Variants in SFPQ observed in about 807,000 individuals in gnomAD.
SFPQ encodes splicing factor proline and glutamine rich.
In SFPQ, 11 loss-of-function variants were observed where a neutral mutation model predicts 72.9. The ratio of observed to expected loss-of-function variants is 0.15; its 90% CI spans 0.09 to 0.25. The LOEUF (loss-of-function observed/expected upper bound fraction) is 0.25, where lower values mean the gene tolerates loss of function less well. SFPQ is among the 10% of genes least tolerant of loss of function. SFPQ has a pLI of 1.00. For missense variants in SFPQ, 847 were observed against 993.3 expected (o/e 0.85, Z 1.98); for synonymous variants, 506 against 367.3 (o/e 1.38, Z -4.32).
chr1:35,190,452 T>C (rs893935637), intron 4 of SFPQ, 46 bp downstream of exon 4: 4 of 1,352,088 alleles, frequency 3.0e-6, no homozygotes, highest in Non-Finnish European at 4.2e-6. Flanking sequence ...AAATTTAACC[T>C]TTACACTTGA....
chr1:35,183,801 A>T lies in SFPQ; in HGVS notation c.*655T>A. 1 of 1,055,058 alleles carries T rather than the reference A, an allele frequency of 9.5e-7. No homozygotes were observed. The highest frequency in any genetic ancestry group is 1.1e-6 in the Non-Finnish European group (1 of 872,524). The allele number at this position is 1,055,058 out of a possible 1,614,324, so 65.4% of individuals were successfully genotyped here. On this transcript the variant is annotated 3_prime_UTR_variant, in exon 10 of 10. Coordinates refer to ENST00000357214, the MANE Select transcript of SFPQ (RefSeq NM_005066.3). ...TCAAACCCACTTTCACCCCCTACCA[A>T]TTGTCTTACACCCATTCCACAATCT...
chr1:35,192,541 G>A lies in SFPQ; in HGVS notation c.509C>T (p.Pro170Leu), dbSNP rs1321201129. The A allele has an allele frequency of 7.5e-7, 1 of 1,327,794 alleles. No individual in the cohort carries two copies. Among genetic ancestry groups the A allele is most frequent in the Non-Finnish European group, 9.6e-7 (1 of 1,045,240 alleles). 82.3% of individuals were successfully genotyped at this position (1,327,794 alleles called of 1,614,324 possible). A position where few individuals can be genotyped will look rare whatever the true frequency, so the allele number is the denominator to read the frequency against. The change falls in exon 1 of 10, where the codon CCA (proline) becomes CTA (leucine). Residue 170 changes from proline (P) to leucine (L), a missense_variant. Physicochemically the swap from Pro to Leu is moderately conservative, Grantham distance 98. Transcript: ENST00000357214. ...APPGAPPPTP[P>L]SSGVPTTPPQ... ...AGGTGTGGTAGGGACCCCGCTGCTTGGCGGGGTGGGTGGCGGCGCCCCGGG... is the reference window on the plus strand; with the variant it reads ...AGGTGTGGTAGGGACCCCGCTGCTTAGCGGGGTGGGTGGCGGCGCCCCGGG...
At chr1:35,177,670 T>C (rs1241865531) in intron 4 of SFPQ, 2 of 153,810 alleles carry the variant, frequency 1.3e-5, no homozygotes, top group African/African-American at 4.8e-5. Flanking sequence ...AAAAGAATCA[T>C]GGAGTTTTAG....
At position 35,183,987 on chromosome 1, in the gene SFPQ, A is replaced by C. The variant is rs1438027721; in HGVS notation, c.*469T>G. The C allele has an allele frequency of 3.8e-5, 40 of 1,055,700 alleles. No homozygotes were observed. The highest frequency in any genetic ancestry group is 4.4e-5 in the Non-Finnish European group (38 of 873,194). The allele number at this position is 1,055,700 out of a possible 1,614,324, so 65.4% of individuals were successfully genotyped here. On this transcript the variant is annotated 3_prime_UTR_variant, in exon 10 of 10. Coordinates refer to ENST00000357214, the MANE Select transcript of SFPQ (RefSeq NM_005066.3). ...AAGGGGGCAATTATTTGTAGAAAGC[A>C]ATACTTAGCCTCCAGATGCATTTCC...
intron 4 of SFPQ, among the ~76,000 whole-genome samples, 156 bp from the exon 5 acceptor site, chr1:35,189,538 TACTC>T (rs1639892415): frequency 6.6e-6 from 1 of 152,168 alleles, no homozygotes; most frequent in African/African-American, 2.4e-5. Flanking sequence ...ACAGCAAAAA[TACTC>T]AGAACACTCA....
At chr1:35,179,981 A>G, downstream of SFPQ, 1 of 1,050,808 alleles carries the variant, frequency 9.5e-7, no homozygotes, top group Non-Finnish European at 1.2e-6. Context: ...TGCAGAGGCT[A>G]AACTAGTCAT....
At chr1:35,182,833 A>G (rs1639525798), downstream of SFPQ, 1 of 1,048,830 alleles carries the variant, frequency 9.5e-7, no homozygotes, top group East Asian at 5.5e-5. Flanking sequence ...GGCTCCCATT[A>G]TACTAACAGG....
chr1:35,186,419 G>A (rs1195046265), intron 9 of SFPQ, among the ~76,000 whole-genome samples: 2 of 152,142 alleles, frequency 1.3e-5, no homozygotes, highest in Admixed American at 1.3e-4. Context: ...TTGCTACTCT[G>A]TAGCAAAATG....
intron 6 of SFPQ, 104 bp downstream of exon 6, chr1:35,188,899 T>C (rs1053658571): frequency 1.2e-6 from 1 of 837,324 alleles, no homozygotes; most frequent in Non-Finnish European, 2.0e-6. Context: ...AAGCGGAGGT[T>C]GTGGTGAGCT....
Position 35,190,745 on chromosome 1 carries a change from G to C in SFPQ, c.1268C>G (p.Ala423Gly), listed in dbSNP as rs374670555. 6.2e-7 allele frequency: 1 copy of C among 1,614,084 alleles called. No individual in the cohort carries two copies. The highest frequency in any genetic ancestry group is 1.3e-5 in the African/African-American group (1 of 74,924). ...KGIVEFASKP[A>G]ARKAFERCSE... Reference sequence around the variant, plus strand: ...GCATCGTTCAAATGCCTTTCTTGCTGCTGGCTTAGAAGCAAATTCAACAAT... The same window carrying C: ...GCATCGTTCAAATGCCTTTCTTGCTCCTGGCTTAGAAGCAAATTCAACAAT... The change falls in exon 3 of 10, where the codon GCA becomes GGA. Residue 423 changes from alanine to glycine, a missense_variant. By Grantham distance (60) the Ala-to-Gly change is moderately conservative. Coordinates refer to ENST00000357214, the MANE Select transcript of SFPQ (RefSeq NM_005066.3).
In SFPQ at chr1:35,183,260, G is replaced by C; in HGVS notation, c.*1196C>G. 1 of 804,682 alleles carries C rather than the reference G, an allele frequency of 1.2e-6. No individual in the cohort carries two copies. The highest frequency in any genetic ancestry group is 1.5e-6 in the Non-Finnish European group (1 of 658,826). 49.8% of individuals were successfully genotyped at this position (804,682 alleles called of 1,614,324 possible). A position where few individuals can be genotyped will look rare whatever the true frequency, so the allele number is the denominator to read the frequency against. ...TTTTGAGACAGAGTCTCGCTCTGTT[G>C]TCCAGGCTGGAGTGCAGTGGCAGTC... On this transcript the variant is annotated 3_prime_UTR_variant, in exon 10 of 10. Transcript: ENST00000357214.
chr1:35,191,804 T>A (rs1340132960), intron 1 of SFPQ, among the ~76,000 whole-genome samples: 1 of 152,112 alleles, frequency 6.6e-6, no homozygotes. Flanking sequence ...CCTAAAAAAA[T>A]CTAAATAGTA....
At chr1:35,180,351 TAAC>T, downstream of SFPQ, 1 of 1,033,838 alleles carries the variant, frequency 9.7e-7, no homozygotes, top group Non-Finnish European at 1.2e-6. Flanking sequence ...TTTTGGACTA[TAAC>T]ATCACATCCC....
chr1:35,178,450 C>T (rs1639335920), downstream of SFPQ: 1 of 1,063,956 alleles, frequency 9.4e-7, no homozygotes, highest in African/African-American at 1.6e-5. Context: ...CTTCCATTGT[C>T]AGGCAGGCTG....
intron 9 of SFPQ, among the ~76,000 whole-genome samples, chr1:35,186,241 C>T (rs1486595649): frequency 6.6e-6 from 1 of 152,172 alleles, no homozygotes; most frequent in Non-Finnish European, 1.5e-5. Flanking sequence ...TCTCTAAACC[C>T]ACCAAAATTC....
At chr1:35,191,576 G>A (rs1309278727) in intron 1 of SFPQ, 47 bp from the exon 2 acceptor site, 2 of 1,436,404 alleles carry the variant, frequency 1.4e-6, no homozygotes, top group East Asian at 2.3e-5. Context: ...ACCTCTGCAA[G>A]TGAAAATCCC....
intron 7 of SFPQ, among the ~76,000 whole-genome samples, chr1:35,187,753 A>AAAAAC (rs1028468568): frequency 6.6e-6 from 1 of 152,094 alleles, no homozygotes; most frequent in Non-Finnish European, 1.5e-5. Flanking sequence ...AAACAAACAA[A>AAAAAC]AAAACAAAAC....
At chr1:35,179,358 G>A, downstream of SFPQ, 8 of 1,057,780 alleles carry the variant, frequency 7.6e-6, no homozygotes, top group South Asian at 4.6e-5. Context: ...CTTGCATGAA[G>A]AGCACCCATT....
At chr1:35,185,130 G>GA (rs1639644294) in intron 9 of SFPQ, among the ~76,000 whole-genome samples, 1 of 152,072 alleles carries the variant, frequency 6.6e-6, no homozygotes, top group South Asian at 2.1e-4. Context: ...TTAAAAGGTT[G>GA]AAAGTTTTAA....
Sources: gnomAD v4.1 joint callset for allele counts (sites outside exome capture counted in the v4.1 genomes callset) on GRCh38, gnomAD v4.1.1 for gene constraint, MANE v1.5 for transcripts, NCBI Gene and HGNC (gene_info 2026-07-23, HGNC 2026-07-21) for gene names.